The following NLGN1 variants were observed in gnomAD, a reference collection of about 807,000 sequenced individuals.
NLGN1 encodes the protein neuroligin 1, also known as neuroligin-1.
A neutral mutation model predicts 65.5 loss-of-function variants in NLGN1; 12 were observed. The ratio of observed to expected loss-of-function variants is 0.18; its 90% CI spans 0.12 to 0.30. The LOEUF is 0.30. NLGN1 is among the 10% of genes least tolerant of loss of function. The probability of loss-of-function intolerance (pLI) is 1.00; values close to 1 mark genes in which losing one functional copy is unlikely to be tolerated. For synonymous variants in NLGN1, 350 were observed against 359.5 expected, an observed-to-expected ratio of 0.97 and a Z score of 0.30; for missense variants, 750 against 1,007.1, an observed-to-expected ratio of 0.74 and a Z score of 3.46.
chr3:174,280,995 C>A lies in NLGN1; in HGVS notation c.2164C>A (p.Leu722Ile). ...CCCTCAGCGCACTACTACCAATGAT[C>A]TAACCCATGCACAAGAAGAGGAAAT... Residue 722 changes from leucine (L) to isoleucine (I), a missense_variant, in exon 7 of 7, where the codon CTA becomes ATA. By Grantham distance (5) the Leu-to-Ile change is conservative. Transcript: ENST00000457714. The surrounding 1 kb of genome is among the most constrained non-coding windows in gnomAD (Gnocchi z 4.9). The A allele has an allele frequency of 1.2e-6, 2 of 1,613,364 alleles. No individual in the cohort carries two copies. The highest frequency in any genetic ancestry group is 1.7e-6 in the Non-Finnish European group (2 of 1,179,584).
chr3:173,852,272 C>T (rs896621576), intron 4 of NLGN1, among the ~76,000 whole-genome samples: 1 of 130,226 alleles, frequency 7.7e-6, no homozygotes, highest in East Asian at 2.6e-4. Flanking sequence ...AGGAGAATGG[C>T]GTGAACCCGG....
intron 4 of NLGN1, among the ~76,000 whole-genome samples, chr3:174,137,400 A>G (rs1721410080): frequency 6.6e-6 from 1 of 152,166 alleles, no homozygotes; most frequent in African/African-American, 2.4e-5. Flanking sequence ...TTGGTTTAGA[A>G]GTCACTAATC....
At chr3:173,646,474 C>T (rs536979738) in intron 3 of NLGN1, among the ~76,000 whole-genome samples, 2 of 152,204 alleles carry the variant, frequency 1.3e-5, no homozygotes, top group Admixed American at 1.3e-4. Flanking sequence ...ATAATTTTTT[C>T]CTGGATGCTA....
intron 4 of NLGN1, among the ~76,000 whole-genome samples, chr3:173,959,160 C>A (rs1350796679): frequency 6.6e-6 from 1 of 152,208 alleles, no homozygotes; most frequent in Non-Finnish European, 1.5e-5. Context: ...CTTCCAGCCT[C>A]CAAGAGCACA....
intron 4 of NLGN1, among the ~76,000 whole-genome samples, chr3:174,067,000 A>G (rs1738753740): frequency 6.6e-6 from 1 of 152,174 alleles, no homozygotes; most frequent in South Asian, 2.1e-4. Flanking sequence ...CTTAATTTCA[A>G]ATGCTTTTGC....
At position 173,934,095 on chromosome 3, in the gene NLGN1, A is replaced by G. The variant is rs146755813; in HGVS notation, c.646+126263A>G. 6.7e-3 allele frequency among the ~76,000 whole-genome samples: 1,023 copies of G among 151,794 alleles called. 1 individual carries two copies. Among genetic ancestry groups the G allele is most frequent in the Non-Finnish European group, 9.5e-3 (648 of 67,856 alleles). On this transcript the variant is annotated intron_variant, in intron 4 of 6. Coordinates refer to ENST00000457714, the Ensembl canonical transcript of NLGN1. The stretch of plus-strand genomic sequence containing the variant: ...TGTATAATATCATTAGAGAAAAACC[A>G]TATGTGCAATAAAATAACTACATGT...
intron 4 of NLGN1, among the ~76,000 whole-genome samples, chr3:174,198,822 G>GAT (rs1487413179): frequency 1.4e-5 from 2 of 142,708 alleles, no homozygotes; most frequent in African/African-American, 5.1e-5. Context: ...AATCTCTTTT[G>GAT]ATCTGGCCTC....
At chr3:174,228,394 G>C (rs1740104692) in intron 4 of NLGN1, among the ~76,000 whole-genome samples, 1 of 152,052 alleles carries the variant, frequency 6.6e-6, no homozygotes, top group Non-Finnish European at 1.5e-5. Flanking sequence ...TTCAATCATA[G>C]TTCTGTTAAC....
intron 4 of NLGN1, among the ~76,000 whole-genome samples, chr3:173,966,072 A>G (rs890254803): frequency 1.2e-4 from 18 of 152,144 alleles, no homozygotes; most frequent in Non-Finnish European, 1.5e-5. Flanking sequence ...AGAATGAAAG[A>G]TTTTAACTTT....
intron 3 of NLGN1, among the ~76,000 whole-genome samples, chr3:173,617,222 A>G (rs1044332423): frequency 2.0e-5 from 3 of 152,096 alleles, no homozygotes; most frequent in African/African-American, 7.2e-5. Context: ...TCCTCCAGTT[A>G]TTCTTTGATA....
intron 4 of NLGN1, among the ~76,000 whole-genome samples, chr3:173,844,231 A>G (rs1725326388): frequency 1.3e-5 from 2 of 152,162 alleles, no homozygotes; most frequent in East Asian, 3.9e-4. Context: ...ACAGTTCAAG[A>G]TGAAATTTGG....
At chr3:173,648,583 CT>C (rs963137738) in intron 3 of NLGN1, among the ~76,000 whole-genome samples, 126 of 147,712 alleles carry the variant, frequency 8.5e-4, no homozygotes, top group African/African-American at 2.3e-3. Context: ...TTCTTTCTTT[CT>C]TTTTTTTTTA....
chr3:174,236,627 G>A (rs563593252), intron 4 of NLGN1, among the ~76,000 whole-genome samples: 1 of 152,058 alleles, frequency 6.6e-6, no homozygotes, highest in African/African-American at 2.4e-5. Context: ...GTGTTTACTT[G>A]TGAAGTTTTG....
At chr3:173,982,912 T>A (rs763734280) in intron 4 of NLGN1, among the ~76,000 whole-genome samples, 23 of 152,134 alleles carry the variant, frequency 1.5e-4, no homozygotes, top group Non-Finnish European at 2.4e-4. Context: ...TTAGAAAAGG[T>A]ACCAATCATT....
intron 3 of NLGN1, among the ~76,000 whole-genome samples, chr3:173,748,762 A>G (rs1166683439): frequency 6.6e-6 from 1 of 152,120 alleles, no homozygotes; most frequent in East Asian, 1.9e-4. Flanking sequence ...TCAGTTTGGA[A>G]GATTTGCATC....
chr3:173,716,432 T>A (rs1769861053), intron 3 of NLGN1, among the ~76,000 whole-genome samples: 2 of 152,156 alleles, frequency 1.3e-5, no homozygotes, highest in Admixed American at 1.3e-4. Context: ...GTAACTCTCT[T>A]AAACTTCAGT....
intron 4 of NLGN1, among the ~76,000 whole-genome samples, chr3:173,861,206 A>C (rs1181688691): frequency 6.6e-6 from 1 of 152,150 alleles, no homozygotes; most frequent in African/African-American, 2.4e-5. Context: ...TATAAAGCTA[A>C]CAAATTAAAT....
intron 4 of NLGN1, among the ~76,000 whole-genome samples, chr3:174,264,636 C>T (rs942338806): frequency 1.3e-5 from 2 of 150,348 alleles, no homozygotes; most frequent in African/African-American, 4.9e-5. Flanking sequence ...GAATGTCCTC[C>T]CGCAGCTCAG....
At chr3:174,113,743 A>G (rs2152624721) in intron 4 of NLGN1, among the ~76,000 whole-genome samples, 1 of 152,270 alleles carries the variant, frequency 6.6e-6, no homozygotes, top group South Asian at 2.1e-4. Flanking sequence ...ATAGGTCTTA[A>G]GATAATGCCT....
Sources: gnomAD v4.1 joint callset for allele counts (sites outside exome capture counted in the v4.1 genomes callset) on GRCh38, gnomAD v4.1.1 for gene constraint, Gnocchi (gnomAD v3.1) non-coding constraint, MANE v1.5 for transcripts, NCBI Gene and HGNC (gene_info 2026-07-23, HGNC 2026-07-21) for gene names.